IL17RA: variants seen among roughly 807,000 people sequenced by gnomAD.
IL17RA encodes the protein interleukin 17 receptor A.
Under a neutral mutation model 50.4 loss-of-function variants are expected in IL17RA, and 34 were observed. The ratio of observed to expected loss-of-function variants is 0.67; its 90% CI spans 0.51 to 0.90. The LOEUF (loss-of-function observed/expected upper bound fraction) is 0.90, where lower values mean the gene tolerates loss of function less well. IL17RA is among the 40% of genes least tolerant of loss of function. The pLI is 0.00. For synonymous variants in IL17RA, 585 were observed against 510.4 expected (o/e 1.15, Z -1.97); for missense variants, 1,276 against 1,169.8 (o/e 1.09, Z -1.32).
At chr22:17,094,006 C>CAT (rs1164364365) in intron 1 of IL17RA, 1 of 63,310 alleles carries the variant, frequency 1.6e-5, no homozygotes, top group Non-Finnish European at 5.1e-5. Flanking sequence ...TTTATTTAGA[C>CAT]AGAGTCTCGC....
rs1366117500 is a variant in IL17RA at position 17,109,546 on chromosome 22, C to G, written c.2327C>G (p.Thr776Arg). ...GGCSRPAMVLTDPHTPYEEEQ... is the reference protein window; with the variant it reads ...GGCSRPAMVLRDPHTPYEEEQ... ...TGCAGTAGACCCGCCATGGTCCTCA[C>G]AGACCCACACACGCCCTACGAGGAG... The change falls in exon 13 of 13, where the codon ACA becomes AGA. Residue 776 changes from threonine (T) to arginine (R), a missense_variant. Thr to Arg is a moderately conservative substitution (Grantham distance 71). Transcript: ENST00000319363. 2 of 1,599,700 alleles carry G rather than the reference C, an allele frequency of 1.3e-6. No homozygotes were observed. Among genetic ancestry groups the G allele is most frequent in the East Asian group, 2.3e-5 (1 of 44,328 alleles).
At chr22:17,097,647 G>T in intron 2 of IL17RA, 150 bp from the exon 3 acceptor site, 1 of 787,386 alleles carries the variant, frequency 1.3e-6, no homozygotes, top group South Asian at 1.6e-5. Context: ...GAGGGAGCAG[G>T]GCAGTAAAGC....
At chr22:17,099,473 G>A (rs372332658) in intron 4 of IL17RA, among the ~76,000 whole-genome samples, 3 of 152,228 alleles carry the variant, frequency 2.0e-5, no homozygotes, top group East Asian at 1.9e-4. Flanking sequence ...GAGATGTTTG[G>A]CCCCACCCCA....
Position 17,108,908 on chromosome 22 carries a change from C to T in IL17RA, c.1689C>T (p.Gly563=), listed in dbSNP as rs146292661. ...LSGDNYLRSP[G]GRQLRAALDR... Reference sequence around the variant, plus strand: ...GGGACAACTACCTGCGGAGCCCGGGCGGCAGGCAGCTCCGCGCCGCCCTGG... The same window carrying T: ...GGGACAACTACCTGCGGAGCCCGGGTGGCAGGCAGCTCCGCGCCGCCCTGG... Residue 563 remains glycine, a synonymous_variant, in exon 13 of 13, where the codon GGC becomes GGT. Transcript: ENST00000319363. The T allele has an allele frequency of 2.1e-3, 3,342 of 1,611,472 alleles. 3 individuals carry two copies. The highest frequency in any genetic ancestry group is 2.3e-3 in the Non-Finnish European group (2,705 of 1,179,336).
chr22:17,112,996 T>TG lies in IL17RA; in HGVS notation c.*3176_*3177insG, dbSNP rs1270594919. 1 of 127,242 alleles carries TG rather than the reference T, an allele frequency of 7.9e-6. No homozygotes were observed. The highest frequency in any genetic ancestry group is 1.7e-5 in the Non-Finnish European group (1 of 57,556). The allele number at this position is 127,242 out of a possible 1,614,324, so 7.9% of individuals were successfully genotyped here. On this transcript the variant is annotated 3_prime_UTR_variant, in exon 13 of 13. Coordinates refer to ENST00000319363, the MANE Select transcript of IL17RA (RefSeq NM_014339.7). ...CCTACTATCTTGATCCTAGTTTTTTTTTTGTTTTTTTTTTTTTTAAGGAAT... is the reference window on the plus strand; with the variant it reads ...CCTACTATCTTGATCCTAGTTTTTTTGTTTGTTTTTTTTTTTTTTAAGGAAT...
intron 1 of IL17RA, 146 bp from the exon 2 acceptor site, chr22:17,096,916 T>A: frequency 1.4e-6 from 1 of 711,082 alleles, no homozygotes. Flanking sequence ...TCCCCTGGAC[T>A]CACTCCTCAT....
intron 7 of IL17RA, 141 bp downstream of exon 7, chr22:17,102,443 C>A: frequency 1.1e-6 from 1 of 919,440 alleles, no homozygotes; most frequent in Non-Finnish European, 1.8e-6. Flanking sequence ...GTGATCATGG[C>A]GCCTTGCCCT....
In IL17RA at chr22:17,112,645, T is replaced by C. The variant is rs1337990672; in HGVS notation, c.*2825T>C. 1 of 152,224 alleles carries C rather than the reference T, an allele frequency of 6.6e-6. No homozygotes were observed. Among genetic ancestry groups the C allele is most frequent in the African/African-American group, 2.4e-5 (1 of 41,456 alleles). 9.4% of individuals were successfully genotyped at this position (152,224 alleles called of 1,614,324 possible). On this transcript the variant is annotated 3_prime_UTR_variant, in exon 13 of 13. Transcript: ENST00000319363. ...GGTCCTTGCTTACCCTAAATGCTAT[T>C]AATTCCATCACTCTGAGTATGGTGT...
rs760282656 is a variant in IL17RA at position 17,105,929 on chromosome 22, C to A, written c.1020C>A (p.Ile340=). 1 of 1,614,100 alleles carries A rather than the reference C, an allele frequency of 6.2e-7. No individual in the cohort carries two copies. Among genetic ancestry groups the A allele is most frequent in the Admixed American group, 1.7e-5 (1 of 59,998 alleles). ...TGGTGGGCTCCGTCATCCTGCTCAT[C>A]GTCTGCATGACCTGGAGGCTAGCTG... ...ILLVGSVILL[I]VCMTWRLAGP... Residue 340 remains isoleucine (I), a synonymous_variant, in exon 11 of 13, where the codon ATC becomes ATA. Transcript: ENST00000319363.
At position 17,108,766 on chromosome 22, in the gene IL17RA, T is replaced by C. The variant is rs2061425386; in HGVS notation, c.1547T>C (p.Leu516Pro). 6.2e-7 allele frequency: 1 copy of C among 1,610,046 alleles called. No homozygotes were observed. The highest frequency in any genetic ancestry group is 8.5e-7 in the Non-Finnish European group (1 of 1,178,494). The change falls in exon 13 of 13, where the codon CTG becomes CCG. Residue 516 changes from leucine to proline, a missense_variant. Transcript: ENST00000319363. ...AGCTGTGACGGCGACGTCCCCGACC[T>C]GTTCGGCGCGGCGCCGCGGTACCCG... is the stretch of plus-strand genomic sequence containing the variant. ...EVSCDGDVPD[L>P]FGAAPRYPLM...
At chr22:17,102,079 A>G (rs781306366) in intron 6 of IL17RA, 36 bp downstream of exon 6, 5 of 1,614,126 alleles carry the variant, frequency 3.1e-6, no homozygotes, top group South Asian at 1.1e-5. Flanking sequence ...ATTTGGATGC[A>G]TACACATGCA....
intron 1 of IL17RA, among the ~76,000 whole-genome samples, chr22:17,096,455 T>C (rs778761946): frequency 2.0e-4 from 31 of 152,178 alleles, no homozygotes; most frequent in Non-Finnish European, 3.8e-4. Context: ...TGCAGCAGTG[T>C]TATCCAGGAA....
rs3179921 is a variant in IL17RA at position 17,110,254 on chromosome 22, C to T, written c.*434C>T. On this transcript the variant is annotated 3_prime_UTR_variant, in exon 13 of 13. Coordinates refer to ENST00000319363, the MANE Select transcript of IL17RA (RefSeq NM_014339.7). The stretch of plus-strand genomic sequence containing the variant: ...GGCTCACGCCTGTAATCCCAGCACA[C>T]TGGGAGGCCGAGGCAGGTGGATCAC... 143,325 of 247,210 alleles carry T rather than the reference C, an allele frequency of 0.58. 42,551 individuals are homozygous for T. Among genetic ancestry groups the T allele is most frequent in the Middle Eastern group, 0.7 (435 of 622 alleles). The allele number at this position is 247,210 out of a possible 1,614,324, so 15.3% of individuals were successfully genotyped here. A position where few individuals can be genotyped will look rare whatever the true frequency, so the allele number is the denominator to read the frequency against.
In IL17RA at chr22:17,108,958, G is replaced by A. The variant is rs17850765; in HGVS notation, c.1739G>A (p.Arg580His). ...ALDRFRDWQV[R>H]CPDWFECENL... ...GACAGGTTCCGGGACTGGCAGGTCC[G>A]CTGTCCCGACTGGTTCGAATGTGAG... The change falls in exon 13 of 13, where the codon CGC (arginine) becomes CAC (histidine). Residue 580 changes from arginine to histidine, a missense_variant. By Grantham distance (29) the Arg-to-His change is conservative. Coordinates refer to ENST00000319363, the MANE Select transcript of IL17RA (RefSeq NM_014339.7). 2 of 1,606,734 alleles carry A rather than the reference G, an allele frequency of 1.2e-6. No homozygotes were observed. The highest frequency in any genetic ancestry group is 1.1e-5 in the South Asian group (1 of 90,654).
chr22:17,094,716 T>TTC (rs1555873387), intron 1 of IL17RA, among the ~76,000 whole-genome samples: 1 of 118,536 alleles, frequency 8.4e-6, no homozygotes, highest in African/African-American at 3.4e-5. Flanking sequence ...TATATATATA[T>TTC]ATTCAGGGAG....
chr22:17,087,539 A>C (rs962297442), intron 1 of IL17RA, among the ~76,000 whole-genome samples: 2 of 152,232 alleles, frequency 1.3e-5, no homozygotes, highest in African/African-American at 2.4e-5. Flanking sequence ...GACTGAACAA[A>C]AGAATGCATG....
At chr22:17,085,250 C>T (rs771841514) in intron 1 of IL17RA, 21 bp downstream of exon 1, 2 of 1,537,068 alleles carry the variant, frequency 1.3e-6, no homozygotes, top group South Asian at 2.4e-5. Flanking sequence ...ACGTGGGGAG[C>T]GGTAGCCGCC....
chr22:17,089,414 A>T (rs956147078), intron 1 of IL17RA, among the ~76,000 whole-genome samples: 3 of 152,136 alleles, frequency 2.0e-5, no homozygotes, highest in African/African-American at 7.2e-5. Flanking sequence ...ATCAAATGAG[A>T]TATATGTACA....
At chr22:17,104,964 C>T (rs188551436) in intron 9 of IL17RA, among the ~76,000 whole-genome samples, 154 bp downstream of exon 9, 1 of 152,270 alleles carries the variant, frequency 6.6e-6, no homozygotes, top group East Asian at 1.9e-4. Flanking sequence ...TGGAGTGGGG[C>T]TTTAGAGTGT....
Sources: allele counts gnomAD v4.1 joint callset (sites outside exome capture counted in the v4.1 genomes callset), GRCh38; gene constraint gnomAD v4.1.1; transcripts MANE v1.5; gene names NCBI Gene and HGNC (gene_info 2026-07-23, HGNC 2026-07-21).